Variants in FUT9 observed in about 807,000 individuals in gnomAD.
FUT9 encodes the protein 4-galactosyl-N-acetylglucosaminide 3-alpha-L-fucosyltransferase 9.
A neutral mutation model predicts 29.7 loss-of-function variants in FUT9; 15 were observed. The observed-to-expected ratio is 0.51, with a 90% confidence interval of 0.34 to 0.78. The LOEUF is 0.78. FUT9 is among the 30% of genes least tolerant of loss of function. The probability of loss-of-function intolerance (pLI) is 0.01; values close to 1 mark genes in which losing one functional copy is unlikely to be tolerated. For missense variants in FUT9, 319 were observed against 425.4 expected (o/e 0.75, Z 2.20); for synonymous variants, 169 against 153.7 (o/e 1.10, Z -0.74).
In FUT9 at chr6:96,191,385, A is replaced by G. The variant is rs139233275; in HGVS notation, c.-8-11763A>G. 4.3e-4 allele frequency among the ~76,000 whole-genome samples: 65 copies of G among 152,302 alleles called. 1 individual carries two copies. Among genetic ancestry groups the G allele is most frequent in the African/African-American group, 1.5e-3 (63 of 41,578 alleles). ...AAGAATCAAATAGACGCAATAAAAA[A>G]TGTTAAAGGGGATACCACCACTGAT... On this transcript the variant is annotated intron_variant, in intron 2 of 2. Transcript: ENST00000302103.
At chr6:96,189,011 T>C (rs930665343) in intron 2 of FUT9, among the ~76,000 whole-genome samples, 2 of 152,108 alleles carry the variant, frequency 1.3e-5, no homozygotes, top group African/African-American at 4.8e-5. Flanking sequence ...GTAAACTTGA[T>C]ACTGTGGCAA....
intron 1 of FUT9, among the ~76,000 whole-genome samples, chr6:96,049,101 C>T (rs2493349): frequency 0.65 from 98,518 of 152,048 alleles, 32,885 homozygotes; most frequent in African/African-American, 0.82. Context: ...TATGAAAAGA[C>T]AAGGGAAAAT....
chr6:96,055,667 G>A (rs940245256), intron 1 of FUT9, among the ~76,000 whole-genome samples: 19 of 143,700 alleles, frequency 1.3e-4, no homozygotes, highest in African/African-American at 4.1e-4. Context: ...ATAGATAATT[G>A]TTTTTTGTTT....
intron 2 of FUT9, among the ~76,000 whole-genome samples, chr6:96,193,362 A>C: frequency 7.5e-6 from 1 of 133,898 alleles, no homozygotes; most frequent in Non-Finnish European, 1.6e-5. Flanking sequence ...ACAAGAAAAA[A>C]ACAAACAACC....
intron 1 of FUT9, among the ~76,000 whole-genome samples, chr6:96,032,262 G>T (rs954881385): frequency 6.6e-6 from 1 of 151,558 alleles, no homozygotes; most frequent in Non-Finnish European, 1.5e-5. Context: ...CTTTTTAATG[G>T]CTGCTAGGAA....
intron 1 of FUT9, among the ~76,000 whole-genome samples, chr6:96,110,811 G>A (rs1562128502): frequency 1.1e-4 from 1 of 9,048 alleles, no homozygotes; most frequent in Non-Finnish European, 9.3e-4. Flanking sequence ...ATGCACAAAT[G>A]TGCCTATTTA....
intron 2 of FUT9, among the ~76,000 whole-genome samples, chr6:96,139,461 G>A (rs2127972499): frequency 6.6e-6 from 1 of 152,258 alleles, no homozygotes; most frequent in East Asian, 1.9e-4. Context: ...CTGCAGTCTG[G>A]AGGACGGTGG....
In FUT9 at chr6:96,181,231, A is replaced by G. The variant is rs539388863; in HGVS notation, c.-8-21917A>G. On this transcript the variant is annotated intron_variant, in intron 2 of 2. Coordinates refer to ENST00000302103, the MANE Select transcript of FUT9 (RefSeq NM_006581.4). ...ACTTCAATGAAAGACTGTGTCCAGTATCAAGCTTTACCTGTAGTTTAAGGA... is the reference window on the plus strand; with the variant it reads ...ACTTCAATGAAAGACTGTGTCCAGTGTCAAGCTTTACCTGTAGTTTAAGGA... Among the ~76,000 whole-genome samples the G allele has an allele frequency of 5.3e-5, 8 of 152,152 alleles. No individual in the cohort carries two copies. In the East Asian group the frequency reaches 1.2e-3, roughly 22 times the overall value.
At chr6:96,025,261 G>A (rs763390303) in intron 1 of FUT9, among the ~76,000 whole-genome samples, 70 of 151,756 alleles carry the variant, frequency 4.6e-4, no homozygotes, top group Non-Finnish European at 8.9e-4. Flanking sequence ...CTCGATTCCA[G>A]TCTGGAATTC....
chr6:96,176,531 G>A (rs1196585652), intron 2 of FUT9, among the ~76,000 whole-genome samples: 1 of 152,064 alleles, frequency 6.6e-6, no homozygotes, highest in Admixed American at 6.6e-5. Context: ...TAAAAATTAG[G>A]CAGCAGCTGG....
intron 1 of FUT9, among the ~76,000 whole-genome samples, chr6:96,047,829 A>C (rs1770591131): frequency 6.6e-6 from 1 of 152,220 alleles, no homozygotes; most frequent in Non-Finnish European, 1.5e-5. Context: ...TGATTTGTAG[A>C]GGATGTATTA....
chr6:96,177,455 T>C (rs964429842), intron 2 of FUT9, among the ~76,000 whole-genome samples: 3 of 151,904 alleles, frequency 2.0e-5, no homozygotes, highest in African/African-American at 4.8e-5. Context: ...AATGAAAAAA[T>C]TAAGGTTCAC....
In FUT9 at chr6:96,213,416, T is replaced by G. The variant is rs1773976775; in HGVS notation, c.*9181T>G. On this transcript the variant is annotated 3_prime_UTR_variant, in exon 3 of 3. Coordinates refer to ENST00000302103, the MANE Select transcript of FUT9 (RefSeq NM_006581.4). ...TGACAATTCTAGCCATTATGTGAATTGTAAGGGTCAGTAATCCATAAATTA... is the reference window on the plus strand; with the variant it reads ...TGACAATTCTAGCCATTATGTGAATGGTAAGGGTCAGTAATCCATAAATTA... 1.2e-5 allele frequency: 2 copies of G among 166,892 alleles called. No homozygotes were observed. The highest frequency in any genetic ancestry group is 4.1e-4 in the South Asian group (2 of 4,826). The allele number at this position is 166,892 out of a possible 1,614,324, so 10.3% of individuals were successfully genotyped here.
chr6:96,163,508 T>C (rs1772952093), intron 2 of FUT9, among the ~76,000 whole-genome samples: 1 of 152,196 alleles, frequency 6.6e-6, no homozygotes, highest in Admixed American at 6.5e-5. Flanking sequence ...CAACCACTCA[T>C]AGACTGCTAA....
intron 2 of FUT9, among the ~76,000 whole-genome samples, chr6:96,132,495 A>G (rs1236005755): frequency 6.6e-6 from 1 of 152,064 alleles, no homozygotes; most frequent in African/African-American, 2.4e-5. Context: ...GGTTAATTAG[A>G]CTGTAGTAAG....
chr6:96,177,434 A>C (rs1773224312), intron 2 of FUT9, among the ~76,000 whole-genome samples: 1 of 152,110 alleles, frequency 6.6e-6, no homozygotes, highest in Admixed American at 6.6e-5. Flanking sequence ...GTATTGTTAT[A>C]CTCATCTAGA....
chr6:96,120,591 C>CT lies in FUT9; in HGVS notation c.-9+6493dup, dbSNP rs57515226. Among the ~76,000 whole-genome samples, 30 of 55,372 alleles carry CT rather than the reference C, an allele frequency of 5.4e-4. 3 individuals carry two copies. The highest frequency in any genetic ancestry group is 1.5e-3 in the African/African-American group (22 of 14,378). 36.3% of individuals were successfully genotyped at this position (55,372 alleles called of 152,430 possible). ...AACCACCGTGCCTGGGCAAGACCAC[C>CT]TTTTTTTTTTTTTTTTTTTTTTTTT... On this transcript the variant is annotated intron_variant, in intron 2 of 2. Coordinates refer to ENST00000302103, the MANE Select transcript of FUT9 (RefSeq NM_006581.4).
chr6:96,121,432 AAC>A (rs2127965078), intron 2 of FUT9, among the ~76,000 whole-genome samples: 1 of 152,296 alleles, frequency 6.6e-6, no homozygotes, highest in Admixed American at 6.5e-5. Flanking sequence ...GAGACAAGAA[AAC>A]ACTTCACAGT....
intron 1 of FUT9, among the ~76,000 whole-genome samples, chr6:96,080,930 G>T (rs1408677253): frequency 2.6e-5 from 4 of 151,888 alleles, no homozygotes; most frequent in Admixed American, 6.6e-5. Context: ...CATGTACCCT[G>T]TTTATTGAAA....
Sources: gnomAD v4.1 joint callset for allele counts (sites outside exome capture counted in the v4.1 genomes callset) on GRCh38, gnomAD v4.1.1 for gene constraint, MANE v1.5 for transcripts, NCBI Gene and HGNC (gene_info 2026-07-23, HGNC 2026-07-21) for gene names.